The following ITPR2 variants were observed in gnomAD, a reference collection of about 807,000 sequenced individuals.
The protein encoded by ITPR2 is inositol 1,4,5-trisphosphate-gated calcium channel ITPR2.
A neutral mutation model predicts 317.1 loss-of-function variants in ITPR2; 207 were observed. That is an observed-to-expected ratio of 0.65 (90% CI 0.58 to 0.73). ITPR2 has a LOEUF of 0.73. Ranked by LOEUF, ITPR2 falls within the 30% of genes least tolerant of loss-of-function variation. ITPR2 has a pLI of 0.00. For missense variants in ITPR2, 2,613 were observed against 3,284.0 expected (o/e 0.80, Z 4.99); for synonymous variants, 1,156 against 1,149.1 (o/e 1.01, Z -0.12).
At chr12:26,646,435 T>C (rs7973538) in intron 21 of ITPR2, among the ~76,000 whole-genome samples, 125 of 152,268 alleles carry the variant, frequency 8.2e-4, no homozygotes, top group Non-Finnish European at 1.4e-3. Context: ...GTGCAGTCCC[T>C]ATAAAGGCAA....
At position 26,503,944 on chromosome 12, in the gene ITPR2, A is replaced by G. The variant is rs186742275; in HGVS notation, c.5074-8684T>C. Among the ~76,000 whole-genome samples, 233 of 152,342 alleles carry G rather than the reference A, an allele frequency of 1.5e-3. 1 individual carries two copies. Among genetic ancestry groups the G allele is most frequent in the Middle Eastern group, 3.4e-3 (1 of 294 alleles). ...CATCAATATCCAGCTCCAACCTTCT[A>G]TAATTTTTCAAGAGAAGGCAAATGA... is the stretch of plus-strand genomic sequence containing the variant. On this transcript the variant is annotated intron_variant, in intron 37 of 56. Transcript: ENST00000381340.
intron 37 of ITPR2, among the ~76,000 whole-genome samples, chr12:26,504,123 T>A (rs1299816867): frequency 6.6e-6 from 1 of 152,262 alleles, no homozygotes; most frequent in African/African-American, 2.4e-5. Flanking sequence ...AGACAGCCTT[T>A]CCTTGAAGTA....
intron 14 of ITPR2, among the ~76,000 whole-genome samples, chr12:26,665,406 A>C (rs929090067): frequency 6.6e-6 from 1 of 152,212 alleles, no homozygotes; most frequent in South Asian, 2.1e-4. Flanking sequence ...GCCTCCTGAT[A>C]TTCATAGCCT....
intron 45 of ITPR2, among the ~76,000 whole-genome samples, chr12:26,471,221 CAG>C (rs1344063921): frequency 2.0e-5 from 3 of 152,124 alleles, no homozygotes; most frequent in African/African-American, 7.2e-5. Context: ...GGGTCTCAGA[CAG>C]AGGAACAGAA....
At chr12:26,494,369 C>A in intron 38 of ITPR2, 29 bp from the exon 39 acceptor site, 3 of 1,463,944 alleles carry the variant, frequency 2.0e-6, no homozygotes, top group East Asian at 2.4e-5. Flanking sequence ...AATAAATAAA[C>A]CTTAATTGTA....
rs781672104 is a variant in ITPR2, at chr12:26,475,303, G to A, written c.6335C>T (p.Ala2112Val). 3 of 1,613,764 alleles carry A rather than the reference G, an allele frequency of 1.9e-6. No individual in the cohort carries two copies. The South Asian group carries it at 3.3e-5, about 18-fold the overall frequency. ...AGATATAAAATGTGACACCTGATGG[G>A]CCAGAATATAGATATTGTGTCCAAC... is the stretch of plus-strand genomic sequence containing the variant. ...KDVGHNIYIL[A>V]HQLARHNKLL... Residue 2112 changes from alanine to valine, a missense_variant, in exon 45 of 57, where the codon GCC (alanine) becomes GTC (valine). Transcript: ENST00000381340.
chr12:26,348,151 C>G (rs1166497530), intron 55 of ITPR2, among the ~76,000 whole-genome samples: 4 of 152,158 alleles, frequency 2.6e-5, no homozygotes, highest in African/African-American at 4.8e-5. Flanking sequence ...TGACCTATTG[C>G]ATTCCTCTCT....
intron 21 of ITPR2, among the ~76,000 whole-genome samples, chr12:26,640,917 C>T (rs140639564): frequency 3.4e-4 from 52 of 152,262 alleles, no homozygotes; most frequent in African/African-American, 1.1e-3. Context: ...ACTGGGGAAA[C>T]AGCAGGAGAC....
chr12:26,821,005 G>T (rs1310651648), intron 1 of ITPR2, among the ~76,000 whole-genome samples: 1 of 152,174 alleles, frequency 6.6e-6, no homozygotes, highest in Admixed American at 6.5e-5. Context: ...ATTTTCTAAA[G>T]GATACAGAGT....
At chr12:26,361,542 C>A (rs1938832216) in intron 55 of ITPR2, among the ~76,000 whole-genome samples, 1 of 152,076 alleles carries the variant, frequency 6.6e-6, no homozygotes, top group Non-Finnish European at 1.5e-5. Context: ...CAATTACCAA[C>A]CACTTCAAGA....
At position 26,831,638 on chromosome 12, in the gene ITPR2, G is replaced by A. The variant is rs1951102275; in HGVS notation, c.92+1052C>T. On this transcript the variant is annotated intron_variant, in intron 1 of 56. Coordinates refer to ENST00000381340, the MANE Select transcript of ITPR2 (RefSeq NM_002223.4). This position sits in a 1 kb window ranked among gnomAD's most constrained non-coding sequence, Gnocchi z 4.9. Reference sequence around the variant, plus strand: ...TTCCCAATCAGAACAGAGAAAACAAGGAAGTCCTATTTAACCATTTGGCAC... The same window carrying A: ...TTCCCAATCAGAACAGAGAAAACAAAGAAGTCCTATTTAACCATTTGGCAC... 6.9e-6 allele frequency among the ~76,000 whole-genome samples: 1 copy of A among 144,530 alleles called. No homozygotes were observed. Among genetic ancestry groups the A allele is most frequent in the Non-Finnish European group, 1.6e-5 (1 of 64,444 alleles). 94.8% of individuals were successfully genotyped at this position (144,530 alleles called of 152,430 possible).
intron 10 of ITPR2, among the ~76,000 whole-genome samples, chr12:26,689,564 A>G (rs1039032857): frequency 1.3e-5 from 2 of 152,216 alleles, no homozygotes; most frequent in East Asian, 1.9e-4. Context: ...GTACCTCAAC[A>G]TGAAAATCTA....
intron 37 of ITPR2, among the ~76,000 whole-genome samples, chr12:26,518,487 T>C (rs1943585084): frequency 1.3e-5 from 2 of 151,678 alleles, no homozygotes; most frequent in African/African-American, 4.8e-5. Context: ...TTTACCTATA[T>C]AACAAACACA....
At chr12:26,662,489 C>T (rs1565674438) in intron 15 of ITPR2, among the ~76,000 whole-genome samples, 1 of 152,200 alleles carries the variant, frequency 6.6e-6, no homozygotes, top group Non-Finnish European at 1.5e-5. Flanking sequence ...CCCACCCTGC[C>T]CTTCCAGCCC....
At chr12:26,817,323 G>C (rs940271257) in intron 1 of ITPR2, among the ~76,000 whole-genome samples, 1 of 152,092 alleles carries the variant, frequency 6.6e-6, no homozygotes, top group African/African-American at 2.4e-5. Context: ...ATTCAAATGT[G>C]AGCAAACAAA....
At chr12:26,654,152 G>A (rs751467917) in intron 20 of ITPR2, 26 bp from the exon 21 acceptor site, 3 of 1,517,290 alleles carry the variant, frequency 2.0e-6, no homozygotes, top group Non-Finnish European at 2.6e-6. Context: ...AAAGCGGGGA[G>A]GGGGAGGGTG....
chr12:26,578,775 G>T lies in ITPR2; in HGVS notation c.4568C>A (p.Thr1523Asn). 1 of 1,611,470 alleles carries T rather than the reference G, an allele frequency of 6.2e-7. No individual in the cohort carries two copies. Among genetic ancestry groups the T allele is most frequent in the Non-Finnish European group, 8.5e-7 (1 of 1,178,064 alleles). Reference sequence around the variant, plus strand: ...GGCTTTCTGCGCTGGGTTTGGCCAGGTGCAATTGTAAATTCTGAAGGCAGA... The same window carrying T: ...GGCTTTCTGCGCTGGGTTTGGCCAGTTGCAATTGTAAATTCTGAAGGCAGA... The part of the protein sequence containing the change: ...LQSAFRIYNC[T>N]WPNPAQKASV... Residue 1523 changes from threonine to asparagine, a missense_variant, in exon 34 of 57, where the codon ACC becomes AAC. Physicochemically the swap from Thr to Asn is moderately conservative, Grantham distance 65. Around this residue, in one of 9 missense-constraint regions of ITPR2, gnomAD observed 926 missense variants for 1,072.8 expected, o/e 0.86. Transcript: ENST00000381340.
chr12:26,784,909 C>G (rs1333228098), intron 2 of ITPR2, among the ~76,000 whole-genome samples: 3 of 65,734 alleles, frequency 4.6e-5, no homozygotes, highest in Non-Finnish European at 7.4e-5. Context: ...GCACCTCTTC[C>G]CCGCCGCCAT....
At chr12:26,565,080 A>G (rs1169576188) in intron 34 of ITPR2, among the ~76,000 whole-genome samples, 2 of 152,180 alleles carry the variant, frequency 1.3e-5, no homozygotes, top group Admixed American at 1.3e-4. Flanking sequence ...CATCTAAACT[A>G]AAAATCAAAT....
Sources: allele counts gnomAD v4.1 joint callset (sites outside exome capture counted in the v4.1 genomes callset), GRCh38; gene constraint gnomAD v4.1.1; regional missense constraint gnomAD v4.1.1; non-coding constraint Gnocchi (gnomAD v3.1); transcripts MANE v1.5; gene names NCBI Gene and HGNC (gene_info 2026-07-23, HGNC 2026-07-21).